The following TANC1 variants were observed in gnomAD, a reference collection of about 807,000 sequenced individuals.
TANC1 encodes the protein protein TANC1.
Under a neutral mutation model 149.7 loss-of-function variants are expected in TANC1, and 77 were observed. That is an observed-to-expected ratio of 0.51 (90% CI 0.43 to 0.62). The LOEUF is 0.62. TANC1 is among the 20% of genes least tolerant of loss of function. The pLI is 0.00. For missense variants in TANC1, 1,985 were observed against 2,321.8 expected, an observed-to-expected ratio of 0.85 and a Z score of 2.98; for synonymous variants, 854 against 925.0, an observed-to-expected ratio of 0.92 and a Z score of 1.39.
chr2:159,165,454 G>T (rs563176226), intron 8 of TANC1, among the ~76,000 whole-genome samples: 3 of 152,312 alleles, frequency 2.0e-5, no homozygotes, highest in Admixed American at 6.5e-5. Context: ...TTGAAAGGAC[G>T]TGAGCAAAGG....
chr2:159,131,906 G>A (rs1206173436), intron 4 of TANC1, among the ~76,000 whole-genome samples: 1 of 152,218 alleles, frequency 6.6e-6, no homozygotes, highest in Non-Finnish European at 1.5e-5. Context: ...TAGTAAAAGG[G>A]AAGATCAGAG....
chr2:159,223,802 G>A (rs551920659), intron 22 of TANC1, among the ~76,000 whole-genome samples: 20 of 152,304 alleles, frequency 1.3e-4, no homozygotes, highest in African/African-American at 3.4e-4. Flanking sequence ...ACAGTCTGCC[G>A]TGCACAGGTT....
chr2:159,132,304 C>T (rs999765034), intron 4 of TANC1, among the ~76,000 whole-genome samples: 1 of 152,082 alleles, frequency 6.6e-6, no homozygotes, highest in Non-Finnish European at 1.5e-5. Context: ...TATTCTAGGT[C>T]TCCTTTCGTA....
Position 159,232,351 on chromosome 2 carries a change from TGAG to T in TANC1, c.*1343_*1345del, listed in dbSNP as rs1355276208. On this transcript the variant is annotated 3_prime_UTR_variant, in exon 27 of 27. Transcript: ENST00000263635. ...GGATGTGAAATTTATTTTCTAAAAT[TGAG>T]GAGAAGGAAGTTATATATTTGCAGA... 2.6e-5 allele frequency: 4 copies of T among 152,762 alleles called. No homozygotes were observed. Among genetic ancestry groups the T allele is most frequent in the South Asian group, 2.1e-4 (1 of 4,832 alleles). 9.5% of individuals were successfully genotyped at this position (152,762 alleles called of 1,614,324 possible).
intron 7 of TANC1, among the ~76,000 whole-genome samples, chr2:159,153,572 A>G (rs2053094229): frequency 6.6e-6 from 1 of 152,210 alleles, no homozygotes; most frequent in African/African-American, 2.4e-5. Context: ...CCTGTTGCCA[A>G]GGGACACGCT....
intron 5 of TANC1, 28 bp downstream of exon 5, chr2:159,136,326 CT>C (rs1559327624): frequency 1.6e-6 from 2 of 1,281,430 alleles, no homozygotes; most frequent in Non-Finnish European, 2.3e-6. Context: ...TTCCTTCCCC[CT>C]CTACCAAAGA....
intron 19 of TANC1, among the ~76,000 whole-genome samples, chr2:159,209,347 G>C (rs1559463373): frequency 6.6e-6 from 1 of 152,214 alleles, no homozygotes; most frequent in Non-Finnish European, 1.5e-5. Flanking sequence ...TGGAAAGTAT[G>C]TTCTTCTTTC....
chr2:159,067,148 G>T (rs992661650), intron 3 of TANC1, among the ~76,000 whole-genome samples: 1 of 152,184 alleles, frequency 6.6e-6, no homozygotes, highest in Non-Finnish European at 1.5e-5. Flanking sequence ...AAAAGATCTT[G>T]CAATGCCTTG....
At chr2:159,102,711 G>GTTT in intron 4 of TANC1, among the ~76,000 whole-genome samples, 1 of 52,590 alleles carries the variant, frequency 1.9e-5, no homozygotes, top group Non-Finnish European at 4.9e-5. Flanking sequence ...TTGGATATTT[G>GTTT]CTTTTTTTTT....
chr2:159,133,238 A>C (rs1250291956), intron 4 of TANC1, among the ~76,000 whole-genome samples: 1 of 152,204 alleles, frequency 6.6e-6, no homozygotes, highest in African/African-American at 2.4e-5. Context: ...AGGTCCTTCA[A>C]ATGGATGAGG....
intron 8 of TANC1, among the ~76,000 whole-genome samples, chr2:159,163,810 T>C (rs527435843): frequency 1.6e-5 from 2 of 128,746 alleles, no homozygotes; most frequent in South Asian, 5.2e-4. Flanking sequence ...GAAGAAAGTA[T>C]AAAAACTCTC....
chr2:159,187,171 C>A (rs901321962), intron 16 of TANC1, 147 bp downstream of exon 16: 5 of 967,344 alleles, frequency 5.2e-6, no homozygotes, highest in Non-Finnish European at 7.5e-6. Context: ...ATCACACGGG[C>A]TTGGGTGCTG....
At chr2:159,122,912 G>A (rs1336594425) in intron 4 of TANC1, among the ~76,000 whole-genome samples, 2 of 152,040 alleles carry the variant, frequency 1.3e-5, no homozygotes, top group Non-Finnish European at 2.9e-5. Flanking sequence ...ATCCTAAAAG[G>A]TGTGCAGTGG....
intron 4 of TANC1, among the ~76,000 whole-genome samples, chr2:159,118,844 G>A (rs2048563389): frequency 6.6e-6 from 1 of 152,090 alleles, no homozygotes; most frequent in Admixed American, 6.5e-5. Context: ...TGCTGTTCGA[G>A]TAGCTAAAGT....
Position 159,001,978 on chromosome 2 carries a change from G to C in TANC1, c.-16+789G>C, listed in dbSNP as rs2036650384. Among the ~76,000 whole-genome samples the C allele has an allele frequency of 6.6e-6, 1 of 152,178 alleles. No individual in the cohort carries two copies. Among genetic ancestry groups the C allele is most frequent in the African/African-American group, 2.4e-5 (1 of 41,448 alleles). On this transcript the variant is annotated intron_variant, in intron 2 of 26. Coordinates refer to ENST00000263635, the MANE Select transcript of TANC1 (RefSeq NM_033394.3). This position sits in a 1 kb window ranked among gnomAD's most constrained non-coding sequence, Gnocchi z 4.3. ...AGCAGCTAGACCAAAGGAATGAGAA[G>C]TCGGATGGACAGGACCATCCTCCAG...
intron 3 of TANC1, among the ~76,000 whole-genome samples, chr2:159,087,122 A>T (rs1178111752): frequency 6.8e-6 from 1 of 147,216 alleles, no homozygotes; most frequent in Non-Finnish European, 1.5e-5. Context: ...TTCTTTCTGC[A>T]CTGTGGGGTG....
chr2:159,179,692 C>T (rs2056269970), intron 14 of TANC1, among the ~76,000 whole-genome samples: 1 of 152,152 alleles, frequency 6.6e-6, no homozygotes, highest in South Asian at 2.1e-4. Context: ...AGCCTCCCCG[C>T]TCCACACCCT....
intron 2 of TANC1, among the ~76,000 whole-genome samples, chr2:159,060,903 GTTATATT>G (rs1200405103): frequency 6.6e-6 from 1 of 152,076 alleles, no homozygotes; most frequent in Non-Finnish European, 1.5e-5. Context: ...GGTGTTTTTT[GTTATATT>G]TTATATGCCA....
intron 19 of TANC1, among the ~76,000 whole-genome samples, chr2:159,208,910 A>G (rs906719755): frequency 1.3e-5 from 2 of 152,266 alleles, no homozygotes; most frequent in African/African-American, 4.8e-5. Flanking sequence ...CCTGTACAGC[A>G]TATTGCTGTA....
Sources: allele counts gnomAD v4.1 joint callset (sites outside exome capture counted in the v4.1 genomes callset), GRCh38; gene constraint gnomAD v4.1.1; non-coding constraint Gnocchi (gnomAD v3.1); transcripts MANE v1.5; gene names NCBI Gene and HGNC (gene_info 2026-07-23, HGNC 2026-07-21).